CHRM3: variants seen among roughly 807,000 people sequenced by gnomAD.
CHRM3 encodes the protein muscarinic acetylcholine receptor M3.
CHRM3 carries 11 observed loss-of-function variants against 41.8 expected under a neutral mutation model. The observed-to-expected ratio is 0.26, with a 90% CI of 0.17 to 0.44. The LOEUF is 0.44. Among genes scored for constraint, CHRM3 ranks in the 20% least tolerant of loss-of-function variants. The probability of loss-of-function intolerance (pLI) is 1.00; values close to 1 mark genes in which losing one functional copy is unlikely to be tolerated. For synonymous variants in CHRM3, 297 were observed against 301.4 expected (o/e 0.99, Z 0.15); for missense variants, 571 against 745.4 (o/e 0.77, Z 2.72).
At chr1:239,516,066 T>C (rs1669245851) in intron 2 of CHRM3, among the ~76,000 whole-genome samples, 1 of 152,172 alleles carries the variant, frequency 6.6e-6, no homozygotes, top group African/African-American at 2.4e-5. Flanking sequence ...TCTCGCTCTC[T>C]CTCATCTAGA....
intron 3 of CHRM3, among the ~76,000 whole-genome samples, chr1:239,559,063 CT>C (rs1173992089): frequency 6.6e-6 from 1 of 152,160 alleles, no homozygotes; most frequent in Non-Finnish European, 1.5e-5. Flanking sequence ...TCCTTAACCA[CT>C]GACATAAGCT....
At chr1:239,841,646 G>T (rs887710393) in intron 6 of CHRM3, among the ~76,000 whole-genome samples, 11 of 152,178 alleles carry the variant, frequency 7.2e-5, no homozygotes, top group African/African-American at 2.7e-4. Context: ...GATTTAGCTG[G>T]CCAAGGCCTC....
intron 1 of CHRM3, among the ~76,000 whole-genome samples, chr1:239,451,986 TTA>T (rs1664590606): frequency 1.3e-5 from 2 of 152,204 alleles, no homozygotes; most frequent in Non-Finnish European, 2.9e-5. Context: ...TATTCTTACA[TTA>T]TGCAACATTG....
chr1:239,832,785 A>G (rs142471841), intron 6 of CHRM3, among the ~76,000 whole-genome samples: 1 of 152,202 alleles, frequency 6.6e-6, no homozygotes, highest in East Asian at 1.9e-4. Context: ...CATTTTCTTA[A>G]TTACTATATT....
intron 3 of CHRM3, among the ~76,000 whole-genome samples, chr1:239,564,496 C>T (rs1282409470): frequency 6.6e-6 from 1 of 152,052 alleles, no homozygotes; most frequent in Non-Finnish European, 1.5e-5. Context: ...AATGTAATCT[C>T]TTTATTAAGT....
rs185136241 is a variant in CHRM3 at position 239,481,485 on chromosome 1, T to A, written c.-520-11224T>A. 6.2e-3 allele frequency among the ~76,000 whole-genome samples: 948 copies of A among 152,310 alleles called. 4 individuals carry two copies. The highest frequency in any genetic ancestry group is 1.0e-2 in the Non-Finnish European group (679 of 68,026). On this transcript the variant is annotated intron_variant, in intron 1 of 6. Transcript: ENST00000676153. ...CTTTTGCTGATTTATTGCACAAAAT[T>A]TGAGGATTTACAATATGAACTTATT...
At chr1:239,867,454 G>A (rs998686479) in intron 6 of CHRM3, among the ~76,000 whole-genome samples, 70 of 152,288 alleles carry the variant, frequency 4.6e-4, no homozygotes, top group African/African-American at 1.4e-3. Context: ...TTGGGAAGCC[G>A]CGGCGGGCAG....
chr1:239,558,613 A>G (rs1489489177), intron 3 of CHRM3, among the ~76,000 whole-genome samples: 2 of 152,212 alleles, frequency 1.3e-5, no homozygotes, highest in Non-Finnish European at 2.9e-5. Context: ...TTGAATGCCA[A>G]CAACTGACAG....
At chr1:239,490,699 C>A (rs139094861) in intron 1 of CHRM3, among the ~76,000 whole-genome samples, 74 of 151,984 alleles carry the variant, frequency 4.9e-4, no homozygotes, top group Middle Eastern at 3.4e-3. Context: ...GTAGCTGGGA[C>A]CCCAGGCATG....
At chr1:239,622,422 A>T (rs1407845235) in intron 3 of CHRM3, among the ~76,000 whole-genome samples, 1 of 152,208 alleles carries the variant, frequency 6.6e-6, no homozygotes, top group African/African-American at 2.4e-5. Context: ...TCTAGAAAGG[A>T]TTCACCATTC....
At chr1:239,517,584 T>G (rs114501282) in intron 2 of CHRM3, among the ~76,000 whole-genome samples, 224 of 152,346 alleles carry the variant, frequency 1.5e-3, no homozygotes, top group African/African-American at 5.1e-3. Flanking sequence ...AGGTTTTCAA[T>G]TACCAGTCAT....
At chr1:239,747,028 T>TTA (rs1665425720) in intron 5 of CHRM3, among the ~76,000 whole-genome samples, 1 of 152,146 alleles carries the variant, frequency 6.6e-6, no homozygotes, top group Admixed American at 6.5e-5. Context: ...AGTGCTGGAA[T>TTA]TACCAGCATG....
intron 2 of CHRM3, among the ~76,000 whole-genome samples, chr1:239,537,763 G>C (rs934789431): frequency 6.6e-6 from 1 of 151,894 alleles, no homozygotes; most frequent in Non-Finnish European, 1.5e-5. Context: ...TTTTGCAAAG[G>C]GTCTGTGGTT....
chr1:239,552,952 T>C (rs567691289), intron 3 of CHRM3, among the ~76,000 whole-genome samples: 57 of 152,254 alleles, frequency 3.7e-4, no homozygotes, highest in Admixed American at 3.5e-3. Flanking sequence ...CAGTTTTATG[T>C]TGAAATTTGA....
intron 1 of CHRM3, among the ~76,000 whole-genome samples, chr1:239,490,096 T>C (rs1667461190): frequency 6.6e-6 from 1 of 152,188 alleles, no homozygotes. Context: ...CATAAACAAA[T>C]GTTGCATACT....
chr1:239,518,697 G>A lies in CHRM3; in HGVS notation c.-422+25890G>A, dbSNP rs140028783. Among the ~76,000 whole-genome samples, 1,031 of 152,260 alleles carry A rather than the reference G, an allele frequency of 6.8e-3. 5 individuals carry two copies. The highest frequency in any genetic ancestry group is 0.025 in the South Asian group (123 of 4,830). On this transcript the variant is annotated intron_variant, in intron 2 of 6. Coordinates refer to ENST00000676153, the MANE Select transcript of CHRM3 (RefSeq NM_001375978.1). ...TCATGATAGGAAAATCTATACATCA[G>A]TATTTATTAAGGGAAAGTTTGTGGG...
intron 6 of CHRM3, among the ~76,000 whole-genome samples, chr1:239,890,679 T>C (rs1678479553): frequency 6.6e-6 from 1 of 152,184 alleles, no homozygotes; most frequent in African/African-American, 2.4e-5. Context: ...TTCAGCAACA[T>C]TCATAGCATG....
chr1:239,649,429 A>C (rs1274453539), intron 4 of CHRM3, among the ~76,000 whole-genome samples: 2 of 152,214 alleles, frequency 1.3e-5, no homozygotes, highest in Non-Finnish European at 2.9e-5. Flanking sequence ...GATGGACCTA[A>C]GGCAATAGAA....
chr1:239,768,297 C>A (rs1667382869), intron 5 of CHRM3, among the ~76,000 whole-genome samples: 1 of 152,106 alleles, frequency 6.6e-6, no homozygotes, highest in Non-Finnish European at 1.5e-5. Context: ...ATCAATCTAA[C>A]TATTTAAAGA....
Sources: allele counts gnomAD v4.1 joint callset (sites outside exome capture counted in the v4.1 genomes callset), GRCh38; gene constraint gnomAD v4.1.1; transcripts MANE v1.5; gene names NCBI Gene and HGNC (gene_info 2026-07-23, HGNC 2026-07-21).